Variants in PRR30 observed in about 807,000 individuals in gnomAD.
PRR30 encodes the protein proline-rich protein 30.
For missense variants in PRR30, 546 were observed against 525.3 expected (o/e 1.04, Z -0.39); for synonymous variants, 229 against 222.7 (o/e 1.03, Z -0.25).
rs371983912 is a variant in PRR30, at chr2:27,137,355, G to T, written c.975C>A (p.Gly325=). 3 of 1,614,086 alleles carry T rather than the reference G, an allele frequency of 1.9e-6. No homozygotes were observed. The African/African-American group carries it at 4.0e-5, about 22-fold the overall frequency. Residue 325 remains glycine, a synonymous_variant, in exon 3 of 3, where the codon GGC becomes GGA. Transcript: ENST00000335524. The surrounding 1 kb of genome is among the most constrained non-coding windows in gnomAD (Gnocchi z 4.3). The stretch of plus-strand genomic sequence containing the variant: ...GATGCCCACAGGCCTGAGTAGCCTT[G>T]CCCTGAGGCCCTGCTTCCTTCGGCC... The part of the protein sequence containing the change: ...EKRPKEAGPQ[G]KATQACGHQL...
Position 27,137,063 on chromosome 2 carries a change from G to A in PRR30, c.*28C>T, listed in dbSNP as rs1206684390. 1 of 1,603,910 alleles carries A rather than the reference G, an allele frequency of 6.2e-7. No homozygotes were observed. The highest frequency in any genetic ancestry group is 1.1e-5 in the South Asian group (1 of 90,448). On this transcript the variant is annotated 3_prime_UTR_variant, in exon 3 of 3. Coordinates refer to ENST00000335524, the MANE Select transcript of PRR30 (RefSeq NM_178553.4). The surrounding 1 kb of genome is among the most constrained non-coding windows in gnomAD (Gnocchi z 4.3). ...TGGGAGGGTTGGGTTTGGAGGGGGT[G>A]TTCCAGGGGGCCTCCGTGGCTCTGG...
In PRR30 at chr2:27,137,745, G is replaced by C; in HGVS notation, c.585C>G (p.Cys195Trp). 1 of 1,614,044 alleles carries C rather than the reference G, an allele frequency of 6.2e-7. No individual in the cohort carries two copies. The highest frequency in any genetic ancestry group is 8.5e-7 in the Non-Finnish European group (1 of 1,179,992). ...GSGSPGVVERCVPSEKDPAQF... is the reference protein window; with the variant it reads ...GSGSPGVVERWVPSEKDPAQF... ...GTGCAGGATCCTTCTCGCTTGGCAC[G>C]CATCTCTCCACCACTCCAGGGGACC... The change falls in exon 3 of 3, where the codon TGC becomes TGG. Residue 195 changes from cysteine (C) to tryptophan (W), a missense_variant. Cys to Trp is a radical substitution (Grantham distance 215, BLOSUM62 -2). Transcript: ENST00000335524. The surrounding 1 kb of genome is among the most constrained non-coding windows in gnomAD (Gnocchi z 4.3).
At position 27,138,138 on chromosome 2, in the gene PRR30, T is replaced by C; in HGVS notation, c.192A>G (p.Pro64=). ...TQSRRPSSPP[P]ASPSPGFQFG... ...ATTGGAAGCCAGGAGAGGGGGATGC[T>C]GGTGGAGGGGAGGAGGGACGACGGG... The change falls in exon 3 of 3, where the codon CCA becomes CCG. Residue 64 remains proline, a synonymous_variant. Coordinates refer to ENST00000335524, the MANE Select transcript of PRR30 (RefSeq NM_178553.4). The C allele has an allele frequency of 6.2e-7, 1 of 1,613,210 alleles. No individual in the cohort carries two copies. The highest frequency in any genetic ancestry group is 8.5e-7 in the Non-Finnish European group (1 of 1,179,784).
At position 27,138,013 on chromosome 2, in the gene PRR30, G is replaced by T; in HGVS notation, c.317C>A (p.Pro106His). The change falls in exon 3 of 3, where the codon CCC (proline) becomes CAC (histidine). Residue 106 changes from proline to histidine, a missense_variant. Coordinates refer to ENST00000335524, the MANE Select transcript of PRR30 (RefSeq NM_178553.4). ...TFFHQNYLSL[P>H]RPRASSPSNH... is the part of the protein sequence containing the mutation. Reference sequence around the variant, plus strand: ...GGAGGGAGAGGATGCACGTGGACGGGGGAGAGAGAGGTAGTTCTGGTGAAA... The same window carrying T: ...GGAGGGAGAGGATGCACGTGGACGGTGGAGAGAGAGGTAGTTCTGGTGAAA... 6.2e-7 allele frequency: 1 copy of T among 1,613,662 alleles called. No individual in the cohort carries two copies. Among genetic ancestry groups the T allele is most frequent in the Middle Eastern group, 1.6e-4 (1 of 6,062 alleles).
In PRR30 at chr2:27,138,172, G is replaced by T; in HGVS notation, c.158C>A (p.Ser53Tyr). 6.2e-7 allele frequency: 1 copy of T among 1,613,930 alleles called. No homozygotes were observed. The highest frequency in any genetic ancestry group is 8.5e-7 in the Non-Finnish European group (1 of 1,179,928). ...GLPPSQPPFS[S>Y]TQSRRPSSPP... is the part of the protein sequence containing the mutation. ...GGAGGAGGGACGACGGGACTGAGTG[G>T]AAGAGAACGGTGGTTGAGAGGGAGG... Residue 53 changes from serine (S) to tyrosine (Y), a missense_variant, in exon 3 of 3, where the codon TCC (serine) becomes TAC (tyrosine). Ser to Tyr is a moderately radical substitution (Grantham distance 144). Coordinates refer to ENST00000335524, the MANE Select transcript of PRR30 (RefSeq NM_178553.4).
rs1479528652 is a variant in PRR30, at chr2:27,138,586, C to T, written c.-257G>A. 1 of 538,480 alleles carries T rather than the reference C, an allele frequency of 1.9e-6. No individual in the cohort carries two copies. The highest frequency in any genetic ancestry group is 1.9e-5 in the African/African-American group (1 of 52,778). 33.4% of individuals were successfully genotyped at this position (538,480 alleles called of 1,614,324 possible). ...TGGCTTCTCACTTCTTTGCAGTCAA[C>T]CATTGATGAGGGATGTGTGGGGATG... On this transcript the variant is annotated 5_prime_UTR_variant, in exon 3 of 3. Transcript: ENST00000335524.
Position 27,137,211 on chromosome 2 carries a change from A to G in PRR30, c.1119T>C (p.Cys373=). The change falls in exon 3 of 3, where the codon TGT becomes TGC. Residue 373 remains cysteine (C), a synonymous_variant. Coordinates refer to ENST00000335524, the MANE Select transcript of PRR30 (RefSeq NM_178553.4). This position sits in a 1 kb window ranked among gnomAD's most constrained non-coding sequence, Gnocchi z 4.3. The part of the protein sequence containing the change: ...AGLQSPNSPR[C]FSGPPPRAPK... ...GTGCCCGAGGTGGAGGCCCGGAGAA[A>G]CATCGTGGGGAGTTTGGTGATTGAA... The G allele has an allele frequency of 6.2e-7, 1 of 1,614,172 alleles. No individual in the cohort carries two copies. The highest frequency in any genetic ancestry group is 8.5e-7 in the Non-Finnish European group (1 of 1,180,006).
chr2:27,137,737 C>T lies in PRR30; in HGVS notation c.593G>A (p.Ser198Asn), dbSNP rs1171776220. 8 of 1,614,022 alleles carry T rather than the reference C, an allele frequency of 5.0e-6. No individual in the cohort carries two copies. The highest frequency in any genetic ancestry group is 1.3e-5 in the African/African-American group (1 of 74,948). The change falls in exon 3 of 3, where the codon AGC becomes AAC. Residue 198 changes from serine to asparagine, a missense_variant. By Grantham distance (46) the Ser-to-Asn change is conservative (BLOSUM62 1). Transcript: ENST00000335524. This position sits in a 1 kb window ranked among gnomAD's most constrained non-coding sequence, Gnocchi z 4.3. ...SPGVVERCVP[S>N]EKDPAQFRDP... ...CCTGAACTGTGCAGGATCCTTCTCG[C>T]TTGGCACGCATCTCTCCACCACTCC... is the stretch of plus-strand genomic sequence containing the variant.
Position 27,138,051 on chromosome 2 carries a change from A to G in PRR30, c.279T>C (p.Ser93=). The G allele has an allele frequency of 1.2e-6, 2 of 1,613,824 alleles. No homozygotes were observed. Among genetic ancestry groups the G allele is most frequent in the Non-Finnish European group, 8.5e-7 (1 of 1,179,962 alleles). Residue 93 remains serine, a synonymous_variant, in exon 3 of 3, where the codon AGT becomes AGC. Transcript: ENST00000335524. ...APHPYSPSLP[S]SPTFFHQNYL... ...AGTTCTGGTGAAAGAAAGTAGGGGA[A>G]CTTGGGAGAGAGGGAGAATAGGGAT...
Position 27,137,396 on chromosome 2 carries a change from G to T in PRR30, c.934C>A (p.Leu312Met). The T allele has an allele frequency of 6.2e-7, 1 of 1,613,874 alleles. No homozygotes were observed. Among genetic ancestry groups the T allele is most frequent in the Non-Finnish European group, 8.5e-7 (1 of 1,180,032 alleles). The change falls in exon 3 of 3, where the codon CTG becomes ATG. Residue 312 changes from leucine (L) to methionine (M), a missense_variant. Transcript: ENST00000335524. This position sits in a 1 kb window ranked among gnomAD's most constrained non-coding sequence, Gnocchi z 4.3. ...TCCTTCGGCCTTTTCTCGGGCAGCAGATGCAAGGCCCTGGCCTGGCCCTGA... is the reference window on the plus strand; with the variant it reads ...TCCTTCGGCCTTTTCTCGGGCAGCATATGCAAGGCCCTGGCCTGGCCCTGA... Reference protein sequence around the residue: ...LPQGQARALHLLPEKRPKEAG... With the variant: ...LPQGQARALHMLPEKRPKEAG...
At position 27,138,438 on chromosome 2, in the gene PRR30, T is replaced by A. The variant is rs1672554569; in HGVS notation, c.-109A>T. On this transcript the variant is annotated 5_prime_UTR_variant, in exon 3 of 3. It adds an upstream start codon to the 5' untranslated region. Transcript: ENST00000335524. ...CTGTGCCTGAGAAATCAAGGCCACC[T>A]TCTGTGCGCAGAGCGTGGCTCCAGC... is the stretch of plus-strand genomic sequence containing the variant. The A allele has an allele frequency of 6.8e-7, 1 of 1,475,164 alleles. No homozygotes were observed. The allele number at this position is 1,475,164 out of a possible 1,614,324, so 91.4% of individuals were successfully genotyped here. A position where few individuals can be genotyped will look rare whatever the true frequency, so the allele number is the denominator to read the frequency against.
rs377666702 is a variant in PRR30, at chr2:27,137,560, C to T, written c.770G>A (p.Arg257Gln). 1.7e-5 allele frequency: 27 copies of T among 1,590,162 alleles called. No individual in the cohort carries two copies. Among genetic ancestry groups the T allele is most frequent in the Admixed American group, 3.4e-5 (2 of 58,060 alleles). Reference sequence around the variant, plus strand: ...GAGGGGGCAGGAGGGGCTGCGGGGCCGGAGGCACACCAGGCATATAGGATA... The same window carrying T: ...GAGGGGGCAGGAGGGGCTGCGGGGCTGGAGGCACACCAGGCATATAGGATA... ...VEYPICLVCL[R>Q]PRSPSCPLPR... Residue 257 changes from arginine (R) to glutamine (Q), a missense_variant, in exon 3 of 3, where the codon CGG (arginine) becomes CAG (glutamine). Physicochemically the swap from Arg to Gln is conservative, Grantham distance 43 (BLOSUM62 1). Coordinates refer to ENST00000335524, the MANE Select transcript of PRR30 (RefSeq NM_178553.4). The surrounding 1 kb of genome is among the most constrained non-coding windows in gnomAD (Gnocchi z 4.3).
chr2:27,137,551 C>T lies in PRR30; in HGVS notation c.779G>A (p.Ser260Asn). The change falls in exon 3 of 3, where the codon AGC becomes AAC. Residue 260 changes from serine to asparagine, a missense_variant. Transcript: ENST00000335524. This position sits in a 1 kb window ranked among gnomAD's most constrained non-coding sequence, Gnocchi z 4.3. ...GTACCTGGGGAGGGGGCAGGAGGGGCTGCGGGGCCGGAGGCACACCAGGCA... is the reference window on the plus strand; with the variant it reads ...GTACCTGGGGAGGGGGCAGGAGGGGTTGCGGGGCCGGAGGCACACCAGGCA... ...PICLVCLRPR[S>N]PSCPLPRYRT... 1.3e-6 allele frequency: 2 copies of T among 1,588,100 alleles called. No individual in the cohort carries two copies. Among genetic ancestry groups the T allele is most frequent in the Middle Eastern group, 3.4e-4 (2 of 5,928 alleles).
Position 27,137,911 on chromosome 2 carries a change from TG to T in PRR30, c.418del (p.His140ThrfsTer99). On this transcript the variant is annotated frameshift_variant, in exon 3 of 3. Transcript: ENST00000335524. LOFTEE classifies it low-confidence loss of function (END_TRUNC). The surrounding 1 kb of genome is among the most constrained non-coding windows in gnomAD (Gnocchi z 4.3). ...PSQPQNSSLP[H>X]SPCQSPSHPE... is the part of the protein sequence containing the mutation. ...GTGGGAAGGGGACTGGCAAGGTGAGTGGGGAAGGGAGGAGTTCTGAGGCTGG... is the reference window on the plus strand; with the variant it reads ...GTGGGAAGGGGACTGGCAAGGTGAGTGGGAAGGGAGGAGTTCTGAGGCTGG... 1 of 1,588,036 alleles carries T rather than the reference TG, an allele frequency of 6.3e-7. No homozygotes were observed. Among genetic ancestry groups the T allele is most frequent in the Non-Finnish European group, 8.6e-7 (1 of 1,169,256 alleles).
In PRR30 at chr2:27,136,871, G is replaced by T. The variant is rs1199546520; in HGVS notation, c.*220C>A. The T allele has an allele frequency of 3.1e-6, 2 of 637,914 alleles. No individual in the cohort carries two copies. Among genetic ancestry groups the T allele is most frequent in the Non-Finnish European group, 5.3e-6 (2 of 374,742 alleles). The allele number at this position is 637,914 out of a possible 1,614,324, so 39.5% of individuals were successfully genotyped here. On this transcript the variant is annotated 3_prime_UTR_variant, in exon 3 of 3. Coordinates refer to ENST00000335524, the MANE Select transcript of PRR30 (RefSeq NM_178553.4). ...AGTTTCACAGGGTCAGACTTTATTA[G>T]ATACACGGAGGGCTGAATGGGGCCT...
rs140239397 is a variant in PRR30, at chr2:27,137,714, T to G, written c.616A>C (p.Arg206=). The G allele has an allele frequency of 1.9e-5, 31 of 1,613,964 alleles. No individual in the cohort carries two copies. Among genetic ancestry groups the G allele is most frequent in the Non-Finnish European group, 2.5e-5 (29 of 1,180,028 alleles). The part of the protein sequence containing the change: ...VPSEKDPAQF[R]DPGALAQALV... ...GCCTGGGCCAGGGCCCCTGGGTCCC[T>G]GAACTGTGCAGGATCCTTCTCGCTT... is the stretch of plus-strand genomic sequence containing the variant. The change falls in exon 3 of 3, where the codon AGG becomes CGG. Residue 206 remains arginine, a synonymous_variant. Coordinates refer to ENST00000335524, the MANE Select transcript of PRR30 (RefSeq NM_178553.4). This position sits in a 1 kb window ranked among gnomAD's most constrained non-coding sequence, Gnocchi z 4.3.
chr2:27,137,073 G>T lies in PRR30; in HGVS notation c.*18C>A, dbSNP rs761530162. 2 of 1,607,050 alleles carry T rather than the reference G, an allele frequency of 1.2e-6. No homozygotes were observed. The highest frequency in any genetic ancestry group is 1.7e-6 in the Non-Finnish European group (2 of 1,174,936). Reference sequence around the variant, plus strand: ...GGGTTTGGAGGGGGTGTTCCAGGGGGCCTCCGTGGCTCTGGAACTAGACTG... The same window carrying T: ...GGGTTTGGAGGGGGTGTTCCAGGGGTCCTCCGTGGCTCTGGAACTAGACTG... On this transcript the variant is annotated 3_prime_UTR_variant, in exon 3 of 3. Transcript: ENST00000335524. The surrounding 1 kb of genome is among the most constrained non-coding windows in gnomAD (Gnocchi z 4.3).
In PRR30 at chr2:27,137,829, A is replaced by G. The variant is rs200707097; in HGVS notation, c.501T>C (p.His167=). Residue 167 remains histidine, a synonymous_variant, in exon 3 of 3, where the codon CAT becomes CAC. Coordinates refer to ENST00000335524, the MANE Select transcript of PRR30 (RefSeq NM_178553.4). The surrounding 1 kb of genome is among the most constrained non-coding windows in gnomAD (Gnocchi z 4.3). ...ATGTCTGCCTGTTAGAGTGGAGCCT[A>G]TGAGAAGGTGGGCTGGGGCCTGGGG... The part of the protein sequence containing the change: ...LTSPGPSPPS[H]RLHSNRQTWR... 3.1e-6 allele frequency: 5 copies of G among 1,599,344 alleles called. No individual in the cohort carries two copies. The highest frequency in any genetic ancestry group is 4.3e-6 in the Non-Finnish European group (5 of 1,170,318).
Position 27,137,673 on chromosome 2 carries a change from C to T in PRR30, c.657G>A (p.Leu219=), listed in dbSNP as rs1217925043. 5.0e-6 allele frequency: 8 copies of T among 1,613,164 alleles called. No individual in the cohort carries two copies. The South Asian group carries it at 5.5e-5, about 11-fold the overall frequency. ...GGTCGTGTGCGATGCGGCGGTGCCCCAGCTGGACCACCAGGGCCTGGGCCA... is the reference window on the plus strand; with the variant it reads ...GGTCGTGTGCGATGCGGCGGTGCCCTAGCTGGACCACCAGGGCCTGGGCCA... ...GALAQALVVQ[L]GHRRIAHDLR... is the part of the protein sequence containing the mutation. Residue 219 remains leucine, a synonymous_variant, in exon 3 of 3, where the codon CTG becomes CTA. Coordinates refer to ENST00000335524, the MANE Select transcript of PRR30 (RefSeq NM_178553.4). The surrounding 1 kb of genome is among the most constrained non-coding windows in gnomAD (Gnocchi z 4.3).
Sources: allele counts gnomAD v4.1 joint callset, GRCh38; gene constraint gnomAD v4.1.1; non-coding constraint Gnocchi (gnomAD v3.1); transcripts MANE v1.5; gene names NCBI Gene and HGNC (gene_info 2026-07-23, HGNC 2026-07-21).